Variants in SLC39A11 observed in about 807,000 individuals in gnomAD.
SLC39A11 encodes the protein solute carrier family 39 member 11, also known as zinc transporter ZIP11.
In SLC39A11, 33 loss-of-function variants were observed where a neutral mutation model predicts 36.1. The ratio of observed to expected loss-of-function variants is 0.91; its 90% CI spans 0.69 to 1.22. The LOEUF is 1.22. Among genes scored for constraint, SLC39A11 ranks in the 50% most tolerant of loss-of-function variants. The pLI, the probability that SLC39A11 is intolerant of heterozygous loss-of-function variation, is 0.00. For missense variants in SLC39A11, 432 were observed against 430.3 expected (o/e 1.00, Z -0.03); for synonymous variants, 166 against 170.3 (o/e 0.97, Z 0.20).
intron 6 of SLC39A11, among the ~76,000 whole-genome samples, chr17:72,790,519 A>G (rs550774409): frequency 1.3e-5 from 2 of 150,512 alleles, no homozygotes; most frequent in Non-Finnish European, 3.0e-5. Context: ...AAAACAATGA[A>G]TTTCTCTCTC....
At chr17:72,698,585 AAAAAAGAAAAGAC>A (rs1262021619) in intron 7 of SLC39A11, among the ~76,000 whole-genome samples, 4 of 152,120 alleles carry the variant, frequency 2.6e-5, no homozygotes, top group African/African-American at 4.8e-5. Flanking sequence ...TACATGGTTT[AAAAAAGAAAAGAC>A]AAAAAGAAAA....
chr17:72,926,055 C>A (rs2084031475), intron 5 of SLC39A11, among the ~76,000 whole-genome samples: 1 of 152,190 alleles, frequency 6.6e-6, no homozygotes, highest in African/African-American at 2.4e-5. Context: ...TGCCTGGGGT[C>A]CCATGTGAGC....
At chr17:72,834,199 T>C (rs977511427) in intron 6 of SLC39A11, among the ~76,000 whole-genome samples, 2 of 152,214 alleles carry the variant, frequency 1.3e-5, no homozygotes, top group African/African-American at 2.4e-5. Flanking sequence ...AGCCACTAGA[T>C]ACAAGTATTT....
chr17:72,677,504 G>A (rs779071819), intron 7 of SLC39A11, among the ~76,000 whole-genome samples: 1 of 152,226 alleles, frequency 6.6e-6, no homozygotes, highest in Non-Finnish European at 1.5e-5. Context: ...GAATGCATCT[G>A]TAACCTGAAC....
At chr17:72,867,575 C>T (rs1394181690) in intron 5 of SLC39A11, among the ~76,000 whole-genome samples, 3 of 151,754 alleles carry the variant, frequency 2.0e-5, no homozygotes, top group Admixed American at 6.6e-5. Flanking sequence ...ATTAATAAAG[C>T]GTAAGGGGGA....
At position 72,767,269 on chromosome 17, in the gene SLC39A11, A is replaced by G. The variant is rs77911686; in HGVS notation, c.602-30550T>C. Among the ~76,000 whole-genome samples, 1,517 of 152,258 alleles carry G rather than the reference A, an allele frequency of 1.0e-2. 21 individuals carry two copies. The highest frequency in any genetic ancestry group is 0.034 in the African/African-American group (1,431 of 41,534). On this transcript the variant is annotated intron_variant, in intron 6 of 9. Transcript: ENST00000255559. The stretch of plus-strand genomic sequence containing the variant: ...TGTTTTGCTGATTTTCTCAGTATTT[A>G]CTCAGCACCTACAGGGGGCCAGAGA...
intron 4 of SLC39A11, among the ~76,000 whole-genome samples, chr17:72,976,940 G>A (rs1046414745): frequency 6.6e-6 from 1 of 152,158 alleles, no homozygotes; most frequent in Admixed American, 6.5e-5. Flanking sequence ...CAGGAGTGGT[G>A]GGAATTTCTA....
At chr17:72,924,918 C>T (rs914250487) in intron 5 of SLC39A11, among the ~76,000 whole-genome samples, 1 of 149,174 alleles carries the variant, frequency 6.7e-6, no homozygotes, top group Non-Finnish European at 1.5e-5. Flanking sequence ...CAGAGAAACA[C>T]TTGAACCTGG....
At chr17:72,776,624 A>AAC (rs1290812728) in intron 6 of SLC39A11, among the ~76,000 whole-genome samples, 1 of 151,232 alleles carries the variant, frequency 6.6e-6, no homozygotes, top group Non-Finnish European at 1.5e-5. Context: ...AAAAAAAAAA[A>AAC]AAAAACAGAA....
At chr17:72,826,251 T>C (rs2078023681) in intron 6 of SLC39A11, among the ~76,000 whole-genome samples, 1 of 152,212 alleles carries the variant, frequency 6.6e-6, no homozygotes, top group Non-Finnish European at 1.5e-5. Flanking sequence ...CTTCACTCTC[T>C]TCCTCTTTCT....
chr17:72,860,888 G>A (rs115740301), intron 5 of SLC39A11, among the ~76,000 whole-genome samples: 1,726 of 152,130 alleles, frequency 0.011, 27 homozygotes, highest in African/African-American at 0.039. Context: ...TACCCTCTGC[G>A]CCTCAGTTTA....
chr17:72,808,167 G>C (rs1044828861), intron 6 of SLC39A11, among the ~76,000 whole-genome samples: 6 of 152,224 alleles, frequency 3.9e-5, no homozygotes, highest in Admixed American at 2.0e-4. Flanking sequence ...AAATGGACCA[G>C]AGGCTCATAT....
At chr17:72,711,352 G>A (rs909028124) in intron 7 of SLC39A11, among the ~76,000 whole-genome samples, 5 of 152,132 alleles carry the variant, frequency 3.3e-5, no homozygotes, top group Non-Finnish European at 7.4e-5. Flanking sequence ...GTCCTTAAAG[G>A]GGGGAAGTGT....
chr17:72,669,421 T>A (rs1267084441), intron 7 of SLC39A11, among the ~76,000 whole-genome samples: 1 of 152,230 alleles, frequency 6.6e-6, no homozygotes, highest in African/African-American at 2.4e-5. Context: ...TTGATTTTCA[T>A]GACTTTGAAG....
intron 6 of SLC39A11, among the ~76,000 whole-genome samples, chr17:72,752,695 C>A (rs1200876647): frequency 6.6e-6 from 1 of 150,958 alleles, no homozygotes; most frequent in African/African-American, 2.4e-5. Context: ...GCCTGGCCTG[C>A]TCAATGTCTT....
intron 5 of SLC39A11, among the ~76,000 whole-genome samples, chr17:72,938,858 A>G (rs2084924262): frequency 6.6e-6 from 1 of 152,206 alleles, no homozygotes; most frequent in Non-Finnish European, 1.5e-5. Flanking sequence ...CAAATGTTAA[A>G]TTTTGCATAA....
At chr17:72,849,564 C>T (rs770703524) in intron 6 of SLC39A11, 70 bp downstream of exon 6, 20 of 1,371,590 alleles carry the variant, frequency 1.5e-5, no homozygotes, top group Non-Finnish European at 1.9e-5. Flanking sequence ...CCTTTTCCAG[C>T]CAGACAACTG....
intron 7 of SLC39A11, among the ~76,000 whole-genome samples, chr17:72,667,952 C>T (rs1484268747): frequency 6.6e-6 from 1 of 152,202 alleles, no homozygotes; most frequent in Non-Finnish European, 1.5e-5. Flanking sequence ...CTGCTGACTC[C>T]AGAGCTCAAG....
rs767588699 is a variant in SLC39A11 at position 72,647,388 on chromosome 17, T to A, written c.*196A>T. On this transcript the variant is annotated 3_prime_UTR_variant, in exon 10 of 10. Coordinates refer to ENST00000255559, the MANE Select transcript of SLC39A11 (RefSeq NM_139177.4). ...CTGTATTTCCATGACACCTTAAAATTCCCCATTAAATCAAAAATCTCCCTC... is the reference window on the plus strand; with the variant it reads ...CTGTATTTCCATGACACCTTAAAATACCCCATTAAATCAAAAATCTCCCTC... The A allele has an allele frequency of 2.3e-6, 1 of 442,066 alleles. No homozygotes were observed. The highest frequency in any genetic ancestry group is 4.0e-6 in the Non-Finnish European group (1 of 247,168). 27.4% of individuals were successfully genotyped at this position (442,066 alleles called of 1,614,324 possible). A position where few individuals can be genotyped will look rare whatever the true frequency, so the allele number is the denominator to read the frequency against.
Sources: gnomAD v4.1 joint callset for allele counts (sites outside exome capture counted in the v4.1 genomes callset) on GRCh38, gnomAD v4.1.1 for gene constraint, MANE v1.5 for transcripts, NCBI Gene and HGNC (gene_info 2026-07-23, HGNC 2026-07-21) for gene names.